The following MYLK4 variants were observed in gnomAD, a reference collection of about 807,000 sequenced individuals.
MYLK4 encodes the protein caMLCK like.
Under a neutral mutation model 48.1 loss-of-function variants are expected in MYLK4, and 46 were observed. The ratio of observed to expected loss-of-function variants is 0.96; its 90% CI spans 0.75 to 1.22. The LOEUF is 1.22. Ranked by LOEUF, MYLK4 falls within the 50% of genes most tolerant of loss-of-function variation. The pLI is 0.00. For missense variants in MYLK4, 451 were observed against 486.1 expected (o/e 0.93, Z 0.68); for synonymous variants, 170 against 180.8 (o/e 0.94, Z 0.48).
intron 10 of MYLK4, among the ~76,000 whole-genome samples, chr6:2,675,790 C>A (rs749616452): frequency 6.6e-6 from 1 of 152,124 alleles, no homozygotes; most frequent in East Asian, 1.9e-4. Context: ...AAACAAATAA[C>A]CTTTCAAAAT....
chr6:2,729,789 C>A (rs34556262), intron 2 of MYLK4, among the ~76,000 whole-genome samples: 4 of 152,026 alleles, frequency 2.6e-5, no homozygotes, highest in Non-Finnish European at 4.4e-5. Context: ...TACAAAGAAC[C>A]CTGTTAGGAC....
chr6:2,707,765 A>G (rs1762542358), intron 2 of MYLK4, among the ~76,000 whole-genome samples: 1 of 152,238 alleles, frequency 6.6e-6, no homozygotes, highest in Admixed American at 6.5e-5. Context: ...TAAGGATTAC[A>G]ACACCTAAGA....
In MYLK4 at chr6:2,665,267, C is replaced by T. The variant is rs951044503; in HGVS notation, c.*2658G>A. 1 of 152,368 alleles carries T rather than the reference C, an allele frequency of 6.6e-6. No homozygotes were observed. The highest frequency in any genetic ancestry group is 2.4e-5 in the African/African-American group (1 of 41,472). 9.4% of individuals were successfully genotyped at this position (152,368 alleles called of 1,614,324 possible). ...GAGCAGCAGTCTACCTAGTTACCAG[C>T]TCTCGCTGGAGCAGCCACACAAGGA... On this transcript the variant is annotated 3_prime_UTR_variant, in exon 13 of 13. Transcript: ENST00000274643.
At chr6:2,765,441 C>T in the MYLK4 span, 125 of 659,764 alleles carry the variant, frequency 1.9e-4, no homozygotes, top group African/African-American at 1.5e-3. Flanking sequence ...CGGCCGAGGG[C>T]GGGCGGACGC....
intron 3 of MYLK4, among the ~76,000 whole-genome samples, chr6:2,690,161 T>C (rs1212057709): frequency 6.6e-6 from 1 of 152,200 alleles, no homozygotes; most frequent in African/African-American, 2.4e-5. Flanking sequence ...GGTCAGGCCG[T>C]CTTGCCCTCG....
At chr6:2,757,918 C>T in the MYLK4 span, among the ~76,000 whole-genome samples, 99,644 of 152,054 alleles carry the variant, frequency 0.66, 33,125 homozygotes, top group Non-Finnish European at 0.71. Context: ...TGGAGACACA[C>T]AGCCTAGGCT....
chr6:2,766,138 C>T, the MYLK4 span: 5 of 1,240,316 alleles, frequency 4.0e-6, no homozygotes, highest in African/African-American at 4.7e-5. Context: ...TGGGCGACGG[C>T]GATGGCGACG....
At chr6:2,691,931 C>T (rs538608765) in intron 3 of MYLK4, among the ~76,000 whole-genome samples, 1 of 152,356 alleles carries the variant, frequency 6.6e-6, no homozygotes, top group Admixed American at 6.5e-5. Flanking sequence ...CGCAATGGCA[C>T]ATAGCTCTAG....
At chr6:2,695,732 A>G (rs1475806272) in intron 2 of MYLK4, among the ~76,000 whole-genome samples, 2 of 152,136 alleles carry the variant, frequency 1.3e-5, no homozygotes, top group Admixed American at 1.3e-4. Flanking sequence ...CAGACGCTGT[A>G]TTTCTCCTTT....
intron 2 of MYLK4, among the ~76,000 whole-genome samples, chr6:2,708,276 G>GAA (rs1762561557): frequency 6.6e-6 from 1 of 152,176 alleles, no homozygotes; most frequent in African/African-American, 2.4e-5. Flanking sequence ...ATTCCCTGAT[G>GAA]AAAACCTCAG....
rs1315816985 is a variant in MYLK4 at position 2,749,119 on chromosome 6, A to G, written c.159+17T>C. ...AGAATGAATACTTTTTAGGAGACTAAATTAGAACATGATTACCTCATTATG... is the reference window on the plus strand; with the variant it reads ...AGAATGAATACTTTTTAGGAGACTAGATTAGAACATGATTACCTCATTATG... On this transcript the variant is annotated intron_variant, in intron 2 of 12. Coordinates refer to ENST00000274643, the MANE Select transcript of MYLK4 (RefSeq NM_001012418.5). 1.9e-6 allele frequency: 3 copies of G among 1,609,450 alleles called. No individual in the cohort carries two copies. The highest frequency in any genetic ancestry group is 2.5e-6 in the Non-Finnish European group (3 of 1,178,188).
At chr6:2,767,004 A>G in the MYLK4 span, among the ~76,000 whole-genome samples, 1 of 152,256 alleles carries the variant, frequency 6.6e-6, no homozygotes, top group African/African-American at 2.4e-5. Flanking sequence ...TTTACTAAAT[A>G]TACTCATGTA....
chr6:2,717,454 C>T (rs1197021099), intron 2 of MYLK4, among the ~76,000 whole-genome samples: 19 of 152,184 alleles, frequency 1.2e-4, no homozygotes, highest in African/African-American at 3.9e-4. Flanking sequence ...GGCCAGGGAA[C>T]GTACAATATG....
intron 2 of MYLK4, among the ~76,000 whole-genome samples, chr6:2,697,591 G>A (rs1214386773): frequency 6.6e-6 from 1 of 152,160 alleles, no homozygotes; most frequent in South Asian, 2.1e-4. Flanking sequence ...TGAGAGTGGC[G>A]GAATAGCTGA....
intron 3 of MYLK4, among the ~76,000 whole-genome samples, chr6:2,690,747 C>A (rs762068428): frequency 1.4e-5 from 2 of 148,062 alleles, no homozygotes; most frequent in Non-Finnish European, 3.0e-5. Flanking sequence ...ATTTGATCTT[C>A]ATTTTTTCAC....
the MYLK4 span, chr6:2,765,799 G>A: frequency 4.3e-6 from 6 of 1,406,350 alleles, no homozygotes; most frequent in Middle Eastern, 2.5e-4. Context: ...GCGCCGGGGA[G>A]CGGGCCAAGG....
At position 2,666,108 on chromosome 6, in the gene MYLK4, T is replaced by C. The variant is rs1034305020; in HGVS notation, c.*1817A>G. On this transcript the variant is annotated 3_prime_UTR_variant, in exon 13 of 13. Transcript: ENST00000274643. ...AACTAACACGACCACAAAATTCGCA[T>C]GTGGCCTTCACCAAATCACGTATTT... is the stretch of plus-strand genomic sequence containing the variant. 4 of 152,226 alleles carry C rather than the reference T, an allele frequency of 2.6e-5. No individual in the cohort carries two copies. Among genetic ancestry groups the C allele is most frequent in the Non-Finnish European group, 4.4e-5 (3 of 68,042 alleles). The allele number at this position is 152,226 out of a possible 1,614,324, so 9.4% of individuals were successfully genotyped here. A position where few individuals can be genotyped will look rare whatever the true frequency, so the allele number is the denominator to read the frequency against.
the MYLK4 span, among the ~76,000 whole-genome samples, chr6:2,764,065 G>C: frequency 3.5e-4 from 54 of 152,234 alleles, no homozygotes; most frequent in Non-Finnish European, 6.6e-4. Flanking sequence ...CCGGGAGGCG[G>C]AGGTTGCCGT....
At chr6:2,710,293 A>C (rs927715) in intron 2 of MYLK4, among the ~76,000 whole-genome samples, 130,674 of 152,122 alleles carry the variant, frequency 0.86, 56,205 homozygotes, top group Admixed American at 0.89. Context: ...AGATTGAAAT[A>C]GGCCCAGTTG....
Sources: allele counts gnomAD v4.1 joint callset (sites outside exome capture counted in the v4.1 genomes callset), GRCh38; gene constraint gnomAD v4.1.1; transcripts MANE v1.5; gene names NCBI Gene and HGNC (gene_info 2026-07-23, HGNC 2026-07-21).